Variants in DPYSL5 observed in about 807,000 individuals in gnomAD.
DPYSL5 encodes the protein dihydropyrimidinase-related protein 5.
Under a neutral mutation model 58.4 loss-of-function variants are expected in DPYSL5, and 9 were observed. That is an observed-to-expected ratio of 0.15 (90% CI 0.09 to 0.27). DPYSL5 has a LOEUF of 0.27. Among genes scored for constraint, DPYSL5 ranks in the 10% least tolerant of loss-of-function variants. DPYSL5 has a pLI of 1.00. For synonymous variants in DPYSL5, 293 were observed against 301.9 expected (o/e 0.97, Z 0.31); for missense variants, 499 against 770.6 (o/e 0.65, Z 4.17).
At chr2:26,895,668 CT>C (rs1186609249) in intron 1 of DPYSL5, among the ~76,000 whole-genome samples, 4 of 151,628 alleles carry the variant, frequency 2.6e-5, no homozygotes. Flanking sequence ...AGCTCTTAAA[CT>C]TATTTAACTG....
intron 1 of DPYSL5, among the ~76,000 whole-genome samples, chr2:26,882,564 A>T (rs1663602529): frequency 6.6e-6 from 1 of 152,102 alleles, no homozygotes; most frequent in Non-Finnish European, 1.5e-5. Flanking sequence ...CTGAGATTAC[A>T]GGCATAAGCA....
In DPYSL5 at chr2:26,942,113, C is replaced by T; in HGVS notation, c.1232+21C>T. On this transcript the variant is annotated intron_variant, in intron 10 of 12. Transcript: ENST00000288699. This position sits in a 1 kb window ranked among gnomAD's most constrained non-coding sequence, Gnocchi z 5.9. Reference sequence around the variant, plus strand: ...ACAAAGTAAAGTTTGTTGCTCGTCCCCAGGGCTAGAGGGGCTTGGGATTTT... The same window carrying T: ...ACAAAGTAAAGTTTGTTGCTCGTCCTCAGGGCTAGAGGGGCTTGGGATTTT... 3 of 1,613,910 alleles carry T rather than the reference C, an allele frequency of 1.9e-6. No homozygotes were observed. The highest frequency in any genetic ancestry group is 2.5e-6 in the Non-Finnish European group (3 of 1,179,912).
chr2:26,937,781 G>GTTT (rs1347259983), intron 8 of DPYSL5, among the ~76,000 whole-genome samples: 11 of 127,076 alleles, frequency 8.7e-5, no homozygotes, highest in African/African-American at 2.9e-4. Flanking sequence ...TTTGTTTGTT[G>GTTT]AGCCAGGGTC....
chr2:26,919,200 A>G (rs1181586755), intron 2 of DPYSL5, among the ~76,000 whole-genome samples: 2 of 152,200 alleles, frequency 1.3e-5, no homozygotes, highest in Non-Finnish European at 2.9e-5. Context: ...CCTGGTCAAT[A>G]TGGAGACCCC....
intron 1 of DPYSL5, chr2:26,848,503 C>T (rs952561260): frequency 2.3e-4 from 35 of 152,360 alleles, no homozygotes; most frequent in Non-Finnish European, 4.5e-4. Flanking sequence ...TCATAGTAAG[C>T]GTTTAATGCG....
At chr2:26,900,034 G>C (rs1445107227) in intron 2 of DPYSL5, among the ~76,000 whole-genome samples, 1 of 152,200 alleles carries the variant, frequency 6.6e-6, no homozygotes, top group Non-Finnish European at 1.5e-5. Flanking sequence ...CACTGAGCCA[G>C]GCCAGGCCTG....
At position 26,913,265 on chromosome 2, in the gene DPYSL5, C is replaced by T. The variant is rs1664486165; in HGVS notation, c.262-11622C>T. Among the ~76,000 whole-genome samples the T allele has an allele frequency of 2.0e-5, 3 of 152,130 alleles. No homozygotes were observed. In the South Asian group the frequency reaches 6.2e-4, roughly 31 times the overall value. On this transcript the variant is annotated intron_variant, in intron 2 of 12. Coordinates refer to ENST00000288699, the MANE Select transcript of DPYSL5 (RefSeq NM_020134.4). ...GAAGTTCCCATTAAACAGTGATTCC[C>T]CATTCCTCCCTCCCCTAGTCCCTGG...
At chr2:26,858,321 G>A (rs1233818265) in intron 1 of DPYSL5, among the ~76,000 whole-genome samples, 3 of 151,840 alleles carry the variant, frequency 2.0e-5, no homozygotes, top group East Asian at 1.9e-4. Context: ...ACAGGCACGC[G>A]CCACCAAGCC....
In DPYSL5 at chr2:26,849,974, G is replaced by A. The variant is rs972663028; in HGVS notation, c.-5+1720G>A. Among the ~76,000 whole-genome samples the A allele has an allele frequency of 2.0e-5, 3 of 152,206 alleles. No individual in the cohort carries two copies. Among genetic ancestry groups the A allele is most frequent in the Non-Finnish European group, 4.4e-5 (3 of 68,030 alleles). On this transcript the variant is annotated intron_variant, in intron 1 of 12. Coordinates refer to ENST00000288699, the MANE Select transcript of DPYSL5 (RefSeq NM_020134.4). The surrounding 1 kb of genome is among the most constrained non-coding windows in gnomAD (Gnocchi z 6.2). ...TAGCGGCGCGGAGCTGCCGGGCGGCGACGCAGGTGCCAAAGACTGGAGGTC... is the reference window on the plus strand; with the variant it reads ...TAGCGGCGCGGAGCTGCCGGGCGGCAACGCAGGTGCCAAAGACTGGAGGTC...
At chr2:26,928,422 A>G in intron 5 of DPYSL5, 99 bp downstream of exon 5, 1 of 1,327,164 alleles carries the variant, frequency 7.5e-7, no homozygotes, top group Admixed American at 2.0e-5. Context: ...TTAGCCAGGC[A>G]CAAGGGCTCA....
Position 26,931,379 on chromosome 2 carries a change from C to T in DPYSL5, c.670-261C>T, listed in dbSNP as rs79263793. ...CACCAGAAAACAAGGAGAGACATGA[C>T]CTTGGGTTTTTATTTACTTTTGTTT... On this transcript the variant is annotated intron_variant, in intron 5 of 12. Coordinates refer to ENST00000288699, the MANE Select transcript of DPYSL5 (RefSeq NM_020134.4). Among the ~76,000 whole-genome samples, 361 of 151,420 alleles carry T rather than the reference C, an allele frequency of 2.4e-3. 1 individual carries two copies. The highest frequency in any genetic ancestry group is 8.4e-3 in the African/African-American group (345 of 41,256).
chr2:26,858,811 C>G (rs1665943141), intron 1 of DPYSL5, among the ~76,000 whole-genome samples: 1 of 150,624 alleles, frequency 6.6e-6, no homozygotes, highest in Admixed American at 6.6e-5. Flanking sequence ...TGGTCTCAAG[C>G]AATCCCCCCG....
chr2:26,909,953 A>G lies in DPYSL5; in HGVS notation c.261+11193A>G, dbSNP rs893854293. ...ATACATTTTGACATATACATACATC[A>G]AGAAGCCATCACAATATAATAAACA... On this transcript the variant is annotated intron_variant, in intron 2 of 12. Coordinates refer to ENST00000288699, the MANE Select transcript of DPYSL5 (RefSeq NM_020134.4). Among the ~76,000 whole-genome samples the G allele has an allele frequency of 2.3e-4, 35 of 152,188 alleles. 1 individual carries two copies. The highest frequency in any genetic ancestry group is 2.0e-3 in the Admixed American group (30 of 15,278).
intron 6 of DPYSL5, among the ~76,000 whole-genome samples, chr2:26,932,053 GAA>G (rs1400425024): frequency 7.8e-5 from 1 of 12,788 alleles, no homozygotes; most frequent in Non-Finnish European, 1.6e-4. Context: ...AGAAAGGAAA[GAA>G]AGAAAGAAAG....
intron 1 of DPYSL5, among the ~76,000 whole-genome samples, chr2:26,860,525 C>T (rs1665984572): frequency 6.6e-6 from 1 of 152,188 alleles, no homozygotes; most frequent in South Asian, 2.1e-4. Context: ...CCAGCAGTAC[C>T]ACTGCTAGCA....
chr2:26,912,213 C>G (rs1255269107), intron 2 of DPYSL5, among the ~76,000 whole-genome samples: 1 of 152,196 alleles, frequency 6.6e-6, no homozygotes, highest in Non-Finnish European at 1.5e-5. Flanking sequence ...CAGAAAGCAG[C>G]GTCCCAGAGA....
Position 26,934,759 on chromosome 2 carries a change from C to A in DPYSL5, c.947+25C>A, listed in dbSNP as rs781407876. On this transcript the variant is annotated intron_variant, in intron 8 of 12. Coordinates refer to ENST00000288699, the MANE Select transcript of DPYSL5 (RefSeq NM_020134.4). The surrounding 1 kb of genome is among the most constrained non-coding windows in gnomAD (Gnocchi z 4.3). ...AGTAAGGCGTTTCAGCAGCACATTG[C>A]AGGGATGTGTACATCTTTAGGAAGA... 6.2e-7 allele frequency: 1 copy of A among 1,613,040 alleles called. No homozygotes were observed. Among genetic ancestry groups the A allele is most frequent in the Admixed American group, 1.7e-5 (1 of 59,970 alleles).
At chr2:26,945,502 G>GC (rs1407966797) in intron 12 of DPYSL5, among the ~76,000 whole-genome samples, 34 of 121,612 alleles carry the variant, frequency 2.8e-4, no homozygotes, top group Non-Finnish European at 4.1e-4. Flanking sequence ...GCAGTTTCCC[G>GC]CCCCCCCGTC....
intron 1 of DPYSL5, among the ~76,000 whole-genome samples, chr2:26,884,517 A>G (rs939190258): frequency 1.8e-4 from 27 of 146,508 alleles, no homozygotes; most frequent in Admixed American, 7.5e-4. Flanking sequence ...AGCTTGTCCT[A>G]TCTCACACAC....
Sources: gnomAD v4.1 joint callset for allele counts (sites outside exome capture counted in the v4.1 genomes callset) on GRCh38, gnomAD v4.1.1 for gene constraint, Gnocchi (gnomAD v3.1) non-coding constraint, MANE v1.5 for transcripts, NCBI Gene and HGNC (gene_info 2026-07-23, HGNC 2026-07-21) for gene names.